Variants in CELF2 observed in about 807,000 individuals in gnomAD.
CELF2 encodes CUG triplet repeat RNA-binding protein 2.
A neutral mutation model predicts 62.6 loss-of-function variants in CELF2; 8 were observed. The ratio of observed to expected loss-of-function variants is 0.13; its 90% CI spans 0.07 to 0.23. CELF2 has a LOEUF of 0.23. Among genes scored for constraint, CELF2 ranks in the 10% least tolerant of loss-of-function variants. CELF2 has a pLI of 1.00. For missense variants in CELF2, 333 were observed against 671.0 expected, an observed-to-expected ratio of 0.50 and a Z score of 5.56; for synonymous variants, 258 against 250.0, an observed-to-expected ratio of 1.03 and a Z score of -0.30.
chr10:10,910,024 C>T (rs542219932), intron 1 of CELF2, among the ~76,000 whole-genome samples: 142 of 152,176 alleles, frequency 9.3e-4, no homozygotes, highest in Non-Finnish European at 1.5e-3. Context: ...CATCACAATG[C>T]AGGCTGGTAT....
Position 11,260,574 on chromosome 10 carries a change from G to A in CELF2, c.538+2702G>A, listed in dbSNP as rs1033569882. ...GCAGCCTGTTCCTGCAACAAGTGAT[G>A]GGGAGCAGTCTCATCAATATTTTAT... On this transcript the variant is annotated intron_variant, in intron 5 of 12. Coordinates refer to ENST00000633077, the MANE Select transcript of CELF2 (RefSeq NM_001326342.2). This position sits in a 1 kb window ranked among gnomAD's most constrained non-coding sequence, Gnocchi z 4.2. Among the ~76,000 whole-genome samples the A allele has an allele frequency of 6.6e-6, 1 of 151,924 alleles. No homozygotes were observed. Among genetic ancestry groups the A allele is most frequent in the African/African-American group, 2.4e-5 (1 of 41,370 alleles).
Position 11,334,168 on chromosome 10 carries a change from T to G in CELF2, c.*5115T>G, listed in dbSNP as rs1302247261. 1 of 152,690 alleles carries G rather than the reference T, an allele frequency of 6.5e-6. No homozygotes were observed. The highest frequency in any genetic ancestry group is 2.4e-5 in the African/African-American group (1 of 41,468). 9.5% of individuals were successfully genotyped at this position (152,690 alleles called of 1,614,324 possible). A position where few individuals can be genotyped will look rare whatever the true frequency, so the allele number is the denominator to read the frequency against. On this transcript the variant is annotated 3_prime_UTR_variant, in exon 13 of 13. Coordinates refer to ENST00000633077, the MANE Select transcript of CELF2 (RefSeq NM_001326342.2). Reference sequence around the variant, plus strand: ...TTTAGAAGTACTCAGTCACTTTAAGTGGATAAATGTATTAGTTAAAACTTT... The same window carrying G: ...TTTAGAAGTACTCAGTCACTTTAAGGGGATAAATGTATTAGTTAAAACTTT...
chr10:10,566,224 A>G, the CELF2 span, among the ~76,000 whole-genome samples: 2 of 151,842 alleles, frequency 1.3e-5, no homozygotes, highest in Non-Finnish European at 2.9e-5. Flanking sequence ...GTGAACCATA[A>G]TCTCTCTAGA....
the CELF2 span, among the ~76,000 whole-genome samples, chr10:10,612,087 C>T: frequency 4.6e-5 from 7 of 152,152 alleles, no homozygotes; most frequent in African/African-American, 1.4e-4. Context: ...TTCAAGTCTA[C>T]TTATTGAAGT....
chr10:10,648,419 C>T, the CELF2 span, among the ~76,000 whole-genome samples: 8 of 152,208 alleles, frequency 5.3e-5, no homozygotes, highest in South Asian at 1.2e-3. Flanking sequence ...AAACTCAGCT[C>T]AGCGTCTGGT....
chr10:10,734,926 G>C, the CELF2 span, among the ~76,000 whole-genome samples: 1 of 152,180 alleles, frequency 6.6e-6, no homozygotes, highest in African/African-American at 2.4e-5. Context: ...CAGGGCCTTA[G>C]AAGGGGACTG....
At chr10:11,105,655 A>T (rs753595286) in intron 1 of CELF2, among the ~76,000 whole-genome samples, 1 of 152,172 alleles carries the variant, frequency 6.6e-6, no homozygotes, top group East Asian at 1.9e-4. Context: ...CCCCAGCTCA[A>T]TGTAAATGTT....
the CELF2 span, among the ~76,000 whole-genome samples, chr10:10,656,040 C>G: frequency 2.0e-5 from 3 of 150,318 alleles, no homozygotes; most frequent in African/African-American, 7.4e-5. Context: ...AAAAAACAAC[C>G]CCATCAAAAA....
At chr10:11,041,104 C>T (rs1483743847) in intron 1 of CELF2, among the ~76,000 whole-genome samples, 1 of 152,206 alleles carries the variant, frequency 6.6e-6, no homozygotes, top group African/African-American at 2.4e-5. Context: ...AGAGGGCTGC[C>T]TTCTAGCTGT....
chr10:10,511,883 T>A, the CELF2 span, among the ~76,000 whole-genome samples: 1 of 152,200 alleles, frequency 6.6e-6, no homozygotes, highest in Non-Finnish European at 1.5e-5. Flanking sequence ...TTTGCACTCA[T>A]AGTCCCCCTT....
chr10:10,748,747 CAAAAAAAAAAAAAAA>C, the CELF2 span, among the ~76,000 whole-genome samples: 2 of 36,966 alleles, frequency 5.4e-5, no homozygotes, highest in African/African-American at 2.1e-4. Flanking sequence ...GACTCTGTCT[CAAAAAAAAAAAAAAA>C]AAAAAAAAAA....
chr10:10,818,546 C>CTTTTT (rs3028992), intron 1 of CELF2, among the ~76,000 whole-genome samples: 6 of 116,538 alleles, frequency 5.1e-5, no homozygotes, highest in Non-Finnish European at 5.1e-5. Context: ...TAAATATTTC[C>CTTTTT]TTTTTTTTTT....
rs955881165 is a variant in CELF2, at chr10:11,048,209, A to G, written c.74+30046A>G. The stretch of plus-strand genomic sequence containing the variant: ...TGAACTGTGGAGGTTATTAATCTCT[A>G]CGACACTGTCAAAGGAAAGAGGGAG... On this transcript the variant is annotated intron_variant, in intron 1 of 12. Coordinates refer to ENST00000633077, the MANE Select transcript of CELF2 (RefSeq NM_001326342.2). 2.0e-5 allele frequency among the ~76,000 whole-genome samples: 3 copies of G among 152,252 alleles called. No individual in the cohort carries two copies. In the East Asian group the frequency reaches 5.8e-4, roughly 29 times the overall value.
intron 1 of CELF2, among the ~76,000 whole-genome samples, chr10:10,910,511 A>G (rs956908339): frequency 6.6e-6 from 1 of 152,064 alleles, no homozygotes; most frequent in Admixed American, 6.6e-5. Flanking sequence ...CCTGGCCAAC[A>G]TGGTGAAACC....
At chr10:11,225,945 A>T (rs1460179275) in intron 3 of CELF2, among the ~76,000 whole-genome samples, 1 of 152,314 alleles carries the variant, frequency 6.6e-6, no homozygotes, top group East Asian at 1.9e-4. Flanking sequence ...GATTAAATTA[A>T]CTTCTCTGAC....
In CELF2 at chr10:11,231,083, T is replaced by C. The variant is rs534618464; in HGVS notation, c.354+13576T>C. ...TGATGAGGGATGCTGGGTCTATGTATGTTTTTGCAATTTGGGAGGCTTAAA... is the reference window on the plus strand; with the variant it reads ...TGATGAGGGATGCTGGGTCTATGTACGTTTTTGCAATTTGGGAGGCTTAAA... On this transcript the variant is annotated intron_variant, in intron 3 of 12. Transcript: ENST00000633077. Among the ~76,000 whole-genome samples, 136 of 152,344 alleles carry C rather than the reference T, an allele frequency of 8.9e-4. 1 individual carries two copies. Among genetic ancestry groups the C allele is most frequent in the Non-Finnish European group, 4.7e-4 (32 of 68,032 alleles).
intron 2 of CELF2, among the ~76,000 whole-genome samples, chr10:10,980,430 T>A (rs531426430): frequency 1.3e-5 from 2 of 152,246 alleles, no homozygotes; most frequent in Non-Finnish European, 2.9e-5. Context: ...TGTGCCTCTA[T>A]TGTAAGAGGC....
chr10:11,221,477 C>G (rs1298816236), intron 3 of CELF2, among the ~76,000 whole-genome samples: 3 of 152,174 alleles, frequency 2.0e-5, no homozygotes, highest in Admixed American at 6.5e-5. Context: ...AATCAGATGT[C>G]AGGGCCAAAT....
At chr10:11,021,718 A>G (rs942780256) in intron 1 of CELF2, among the ~76,000 whole-genome samples, 1 of 152,248 alleles carries the variant, frequency 6.6e-6, no homozygotes, top group Non-Finnish European at 1.5e-5. Flanking sequence ...AGTAAATGGC[A>G]AAACTGTGGT....
Sources: gnomAD v4.1 joint callset for allele counts (sites outside exome capture counted in the v4.1 genomes callset) on GRCh38, gnomAD v4.1.1 for gene constraint, Gnocchi (gnomAD v3.1) non-coding constraint, MANE v1.5 for transcripts, NCBI Gene and HGNC (gene_info 2026-07-23, HGNC 2026-07-21) for gene names.